The following CARMIL2 variants were observed in gnomAD, a reference collection of about 807,000 sequenced individuals.
The protein encoded by CARMIL2 is capping protein, Arp2/3 and myosin-I linker protein 2.
A neutral mutation model predicts 173.3 loss-of-function variants in CARMIL2; 96 were observed. The observed-to-expected ratio is 0.55, with a 90% CI of 0.47 to 0.66. CARMIL2 has a LOEUF of 0.66. CARMIL2 is among the 30% of genes least tolerant of loss of function. The probability of loss-of-function intolerance (pLI) is 0.00; values close to 1 mark genes in which losing one functional copy is unlikely to be tolerated. For synonymous variants in CARMIL2, 830 were observed against 817.1 expected (o/e 1.02, Z -0.27); for missense variants, 1,771 against 1,906.7 (o/e 0.93, Z 1.33).
chr16:67,645,710 C>T lies in CARMIL2; in HGVS notation c.133-14C>T, dbSNP rs759707214. 1 of 1,613,556 alleles carries T rather than the reference C, an allele frequency of 6.2e-7. No homozygotes were observed. Among genetic ancestry groups the T allele is most frequent in the East Asian group, 2.2e-5 (1 of 44,886 alleles). On this transcript the variant is annotated splice_polypyrimidine_tract_variant and intron_variant, in intron 2 of 37. Transcript: ENST00000334583. Reference sequence around the variant, plus strand: ...CTCTTGCTCTGCCCAGGATATCAGACTGTCTTTCCCCAGGCACTGCTACGA... The same window carrying T: ...CTCTTGCTCTGCCCAGGATATCAGATTGTCTTTCCCCAGGCACTGCTACGA...
chr16:67,655,154 G>A (rs7195415), intron 32 of CARMIL2, among the ~76,000 whole-genome samples: 20,140 of 152,310 alleles, frequency 0.13, 2,586 homozygotes, highest in African/African-American at 0.34. Context: ...GCCTGGGCCA[G>A]GCGCCATGGC....
Position 67,652,200 on chromosome 16 carries a change from T to C in CARMIL2, c.2678T>C (p.Val893Ala). ...AGLSAARDQL[V>A]ESLAQQATVT... ...ATCTTTGGCTGCTTGGTATTGCAGG[T>C]GGAGAGTCTGGCTCAGCAGGCAACA... Residue 893 changes from valine to alanine, a missense_variant and splice_region_variant, in exon 27 of 38, where the codon GTG becomes GCG. This residue lies in a region of CARMIL2 where 817 missense variants were observed against 903.5 expected (regional missense o/e 0.90). Coordinates refer to ENST00000334583, the MANE Select transcript of CARMIL2 (RefSeq NM_001013838.3). The surrounding 1 kb of genome is among the most constrained non-coding windows in gnomAD (Gnocchi z 4.7). The C allele has an allele frequency of 1.2e-6, 2 of 1,611,978 alleles. No homozygotes were observed. Among genetic ancestry groups the C allele is most frequent in the Non-Finnish European group, 8.5e-7 (1 of 1,179,676 alleles).
chr16:67,650,450 G>A (rs374217687), intron 22 of CARMIL2: 23 of 462,460 alleles, frequency 5.0e-5, no homozygotes, highest in African/African-American at 2.9e-4. Flanking sequence ...TCACATATAC[G>A]TGACTCCCCT....
chr16:67,648,007 G>C lies in CARMIL2; in HGVS notation c.1072-45G>C. The C allele has an allele frequency of 6.2e-7, 1 of 1,607,550 alleles. No homozygotes were observed. Among genetic ancestry groups the C allele is most frequent in the South Asian group, 1.1e-5 (1 of 89,742 alleles). On this transcript the variant is annotated intron_variant, in intron 13 of 37. Coordinates refer to ENST00000334583, the MANE Select transcript of CARMIL2 (RefSeq NM_001013838.3). The surrounding 1 kb of genome is among the most constrained non-coding windows in gnomAD (Gnocchi z 6.1). ...GAGCTTGGGGTTGCTCATAAGCCCT[G>C]GGTAGGCGATCCCCCACTCCATCGC...
At position 67,656,282 on chromosome 16, in the gene CARMIL2, C is replaced by A; in HGVS notation, c.3797C>A (p.Thr1266Asn). The A allele has an allele frequency of 6.2e-7, 1 of 1,614,000 alleles. No homozygotes were observed. Among genetic ancestry groups the A allele is most frequent in the Non-Finnish European group, 8.5e-7 (1 of 1,179,878 alleles). Reference sequence around the variant, plus strand: ...CCTCCCATCTCGATCAAGTCCCGCACCCACTCTGTGTCTGCTGGTGAGTGA... The same window carrying A: ...CCTCCCATCTCGATCAAGTCCCGCAACCACTCTGTGTCTGCTGGTGAGTGA... ...EAPPISIKSR[T>N]HSVSADPSCR... The change falls in exon 34 of 38, where the codon ACC becomes AAC. Residue 1266 changes from threonine to asparagine, a missense_variant. Physicochemically the swap from Thr to Asn is moderately conservative, Grantham distance 65 (BLOSUM62 0). This residue lies in a region of CARMIL2 where 817 missense variants were observed against 903.5 expected (regional missense o/e 0.90). Coordinates refer to ENST00000334583, the MANE Select transcript of CARMIL2 (RefSeq NM_001013838.3).
rs376090982 is a variant in CARMIL2, at chr16:67,651,548, G to A, written c.2427+34G>A. Reference sequence around the variant, plus strand: ...GTACTCCTGCCCCAACCCCACCTCCGTTTGCAGGTTTGACTCCCATCCTTT... The same window carrying A: ...GTACTCCTGCCCCAACCCCACCTCCATTTGCAGGTTTGACTCCCATCCTTT... On this transcript the variant is annotated intron_variant, in intron 24 of 37. Coordinates refer to ENST00000334583, the MANE Select transcript of CARMIL2 (RefSeq NM_001013838.3). This position sits in a 1 kb window ranked among gnomAD's most constrained non-coding sequence, Gnocchi z 4.2. 1.2e-4 allele frequency: 195 copies of A among 1,561,218 alleles called. No homozygotes were observed. In the African/African-American group the frequency reaches 1.8e-3, roughly 14 times the overall value.
intron 1 of CARMIL2, 44 bp downstream of exon 1, chr16:67,645,330 T>C: frequency 2.5e-6 from 4 of 1,574,016 alleles, no homozygotes; most frequent in Non-Finnish European, 3.5e-6. Context: ...GAGGAAGTAG[T>C]GCAGCCCCAA....
At position 67,652,566 on chromosome 16, in the gene CARMIL2, T is replaced by C. The variant is rs1428988478; in HGVS notation, c.2884+28T>C. 1.9e-6 allele frequency: 3 copies of C among 1,606,840 alleles called. No individual in the cohort carries two copies. The highest frequency in any genetic ancestry group is 2.7e-5 in the African/African-American group (2 of 74,680). ...AAGTCAGGGCCTTGGGGGAGGGAGT[T>C]TACGTGGGTGGGCTGAAGCTCCATT... On this transcript the variant is annotated intron_variant, in intron 28 of 37. Coordinates refer to ENST00000334583, the MANE Select transcript of CARMIL2 (RefSeq NM_001013838.3). The surrounding 1 kb of genome is among the most constrained non-coding windows in gnomAD (Gnocchi z 4.7).
In CARMIL2 at chr16:67,656,267, C is replaced by T. The variant is rs1360740229; in HGVS notation, c.3782C>T (p.Ser1261Leu). 23 of 1,613,902 alleles carry T rather than the reference C, an allele frequency of 1.4e-5. No homozygotes were observed. The highest frequency in any genetic ancestry group is 1.7e-5 in the Non-Finnish European group (20 of 1,179,902). Residue 1261 changes from serine (S) to leucine (L), a missense_variant, in exon 34 of 38, where the codon TCG (serine) becomes TTG (leucine). This residue lies in a region of CARMIL2 where 817 missense variants were observed against 903.5 expected (regional missense o/e 0.90). Coordinates refer to ENST00000334583, the MANE Select transcript of CARMIL2 (RefSeq NM_001013838.3). ...AGTTCCACGGAGGCCCCTCCCATCT[C>T]GATCAAGTCCCGCACCCACTCTGTG... ...MDSSTEAPPI[S>L]IKSRTHSVSA... is the part of the protein sequence containing the mutation.
Position 67,646,117 on chromosome 16 carries a change from G to T in CARMIL2, c.249+37G>T, listed in dbSNP as rs772254017. The stretch of plus-strand genomic sequence containing the variant: ...AGTACCCTACCTGGGCCTGCAGCCT[G>T]GTCTTCATGCTACCACCATCACCTG... On this transcript the variant is annotated intron_variant, in intron 4 of 37. Transcript: ENST00000334583. This position sits in a 1 kb window ranked among gnomAD's most constrained non-coding sequence, Gnocchi z 4.6. 2 of 1,613,696 alleles carry T rather than the reference G, an allele frequency of 1.2e-6. No homozygotes were observed. The highest frequency in any genetic ancestry group is 2.2e-5 in the South Asian group (2 of 91,084).
In CARMIL2 at chr16:67,649,660, G is replaced by A; in HGVS notation, c.1919+41G>A. On this transcript the variant is annotated intron_variant, in intron 20 of 37. Transcript: ENST00000334583. The surrounding 1 kb of genome is among the most constrained non-coding windows in gnomAD (Gnocchi z 6.7). ...GGGGTGGGACCAGCGGGCAGGGGGC[G>A]CGGTGGAGAGGAGGGCACCGGGCTA... 1 of 1,563,026 alleles carries A rather than the reference G, an allele frequency of 6.4e-7. No individual in the cohort carries two copies. Among genetic ancestry groups the A allele is most frequent in the Non-Finnish European group, 8.6e-7 (1 of 1,158,526 alleles).
Position 67,649,676 on chromosome 16 carries a change from C to A in CARMIL2, c.1919+57C>A. On this transcript the variant is annotated intron_variant, in intron 20 of 37. Coordinates refer to ENST00000334583, the MANE Select transcript of CARMIL2 (RefSeq NM_001013838.3). This position sits in a 1 kb window ranked among gnomAD's most constrained non-coding sequence, Gnocchi z 6.7. ...GCAGGGGGCGCGGTGGAGAGGAGGG[C>A]ACCGGGCTAAGGGGAGGGACTGAAT... The A allele has an allele frequency of 6.4e-7, 1 of 1,556,528 alleles. No homozygotes were observed. The highest frequency in any genetic ancestry group is 8.7e-7 in the Non-Finnish European group (1 of 1,154,154).
At chr16:67,645,801 C>A (rs368453299) in intron 3 of CARMIL2, 24 bp downstream of exon 3, 10 of 1,608,978 alleles carry the variant, frequency 6.2e-6, no homozygotes, top group Non-Finnish European at 8.5e-6. Context: ...CCTGGCCACA[C>A]CCCCGCCCGC....
Position 67,653,469 on chromosome 16 carries a change from T to C in CARMIL2, c.3120+215T>C, listed in dbSNP as rs2052769472. Among the ~76,000 whole-genome samples the C allele has an allele frequency of 6.6e-6, 1 of 151,564 alleles. No homozygotes were observed. The highest frequency in any genetic ancestry group is 2.4e-5 in the African/African-American group (1 of 41,216). On this transcript the variant is annotated intron_variant, in intron 29 of 37. Coordinates refer to ENST00000334583, the MANE Select transcript of CARMIL2 (RefSeq NM_001013838.3). This position sits in a 1 kb window ranked among gnomAD's most constrained non-coding sequence, Gnocchi z 7.4. Reference sequence around the variant, plus strand: ...ATGGGTGTGCGGGTTCCGTTCGGGGTGTGCCTGGGTGTGGGACTCCGTCTC... The same window carrying C: ...ATGGGTGTGCGGGTTCCGTTCGGGGCGTGCCTGGGTGTGGGACTCCGTCTC...
In CARMIL2 at chr16:67,651,438, G is replaced by C. The variant is rs1231453664; in HGVS notation, c.2351G>C (p.Ser784Thr). Residue 784 changes from serine (S) to threonine (T), a missense_variant, in exon 24 of 38, where the codon AGC becomes ACC. Ser to Thr is a moderately conservative substitution (Grantham distance 58). Transcript: ENST00000334583. This position sits in a 1 kb window ranked among gnomAD's most constrained non-coding sequence, Gnocchi z 4.2. ...CTATATGAAGCTGGAAGCTCCCCAA[G>C]CCATCACTGGCAGCTTGGGCAGAAG... ...PILYEAGSSP[S>T]HHWQLGQKLE... is the part of the protein sequence containing the mutation. 1 of 1,596,184 alleles carries C rather than the reference G, an allele frequency of 6.3e-7. No individual in the cohort carries two copies. The highest frequency in any genetic ancestry group is 8.5e-7 in the Non-Finnish European group (1 of 1,169,940).
At position 67,647,284 on chromosome 16, in the gene CARMIL2, C is replaced by T. The variant is rs2052612103; in HGVS notation, c.688-15C>T. The T allele has an allele frequency of 6.2e-7, 1 of 1,608,488 alleles. No homozygotes were observed. The highest frequency in any genetic ancestry group is 8.5e-7 in the Non-Finnish European group (1 of 1,177,392). On this transcript the variant is annotated splice_polypyrimidine_tract_variant and intron_variant, in intron 9 of 37. Coordinates refer to ENST00000334583, the MANE Select transcript of CARMIL2 (RefSeq NM_001013838.3). ...CCAGGGTGCAGCCCGTGAGCCGCCG[C>T]CCTCTGCTTCTCAGAGCCTTGAGGT...
chr16:67,656,668 A>C, intron 35 of CARMIL2, 23 bp downstream of exon 35: 1 of 1,574,452 alleles, frequency 6.4e-7, no homozygotes, highest in African/African-American at 1.4e-5. Flanking sequence ...CTGATTCCCC[A>C]CCCCAATCCT....
In CARMIL2 at chr16:67,653,620, C is replaced by T. The variant is rs1215440634; in HGVS notation, c.3120+366C>T. On this transcript the variant is annotated intron_variant, in intron 29 of 37. Coordinates refer to ENST00000334583, the MANE Select transcript of CARMIL2 (RefSeq NM_001013838.3). The surrounding 1 kb of genome is among the most constrained non-coding windows in gnomAD (Gnocchi z 7.4). ...CGCGGGGCCAAGCCTGCGTCTGCTG[C>T]GCGTCCGGCGGCGGCGCGTGTGGGG... is the stretch of plus-strand genomic sequence containing the variant. 2.0e-5 allele frequency among the ~76,000 whole-genome samples: 3 copies of T among 152,162 alleles called. No individual in the cohort carries two copies. Among genetic ancestry groups the T allele is most frequent in the Admixed American group, 6.5e-5 (1 of 15,284 alleles).
chr16:67,652,362 G>T lies in CARMIL2; in HGVS notation c.2817+23G>T, dbSNP rs995849561. On this transcript the variant is annotated intron_variant, in intron 27 of 37. Transcript: ENST00000334583. The surrounding 1 kb of genome is among the most constrained non-coding windows in gnomAD (Gnocchi z 4.7). Reference sequence around the variant, plus strand: ...AAGGTAAGTGGTTTTAGAACACGGGGCATGGCACTCCCAGTCTTCCCATCT... The same window carrying T: ...AAGGTAAGTGGTTTTAGAACACGGGTCATGGCACTCCCAGTCTTCCCATCT... The T allele has an allele frequency of 2.5e-6, 4 of 1,612,630 alleles. No individual in the cohort carries two copies. The African/African-American group carries it at 4.0e-5, about 16-fold the overall frequency.
Sources: allele counts gnomAD v4.1 joint callset (sites outside exome capture counted in the v4.1 genomes callset), GRCh38; gene constraint gnomAD v4.1.1; regional missense constraint gnomAD v4.1.1; non-coding constraint Gnocchi (gnomAD v3.1); transcripts MANE v1.5; gene names NCBI Gene and HGNC (gene_info 2026-07-23, HGNC 2026-07-21).